SLAMF6: variants seen among roughly 807,000 people sequenced by gnomAD.
SLAMF6 encodes NK-T-B-antigen.
A neutral mutation model predicts 38.3 loss-of-function variants in SLAMF6; 21 were observed. The observed-to-expected ratio is 0.55, with a 90% CI of 0.39 to 0.79. SLAMF6 has a LOEUF of 0.79. Among genes scored for constraint, SLAMF6 ranks in the 30% least tolerant of loss-of-function variants. The probability of loss-of-function intolerance (pLI) is 0.00; values close to 1 mark genes in which losing one functional copy is unlikely to be tolerated. For missense variants in SLAMF6, 341 were observed against 385.3 expected, an observed-to-expected ratio of 0.89 and a Z score of 0.96; for synonymous variants, 152 against 146.3, an observed-to-expected ratio of 1.04 and a Z score of -0.28.
intron 1 of SLAMF6, among the ~76,000 whole-genome samples, chr1:160,507,612 G>A (rs868325552): frequency 6.6e-6 from 1 of 151,934 alleles, no homozygotes; most frequent in South Asian, 2.1e-4. Context: ...CACATAAGTC[G>A]TTCTCATAGG....
At chr1:160,511,582 C>T (rs924381438) in intron 1 of SLAMF6, among the ~76,000 whole-genome samples, 6 of 152,020 alleles carry the variant, frequency 3.9e-5, no homozygotes, top group Admixed American at 1.3e-4. Flanking sequence ...CAAAATGTAT[C>T]GATCACCTAA....
chr1:160,486,742 A>G lies in SLAMF6; in HGVS notation c.964T>C (p.Phe322Leu). Residue 322 changes from phenylalanine (F) to leucine (L), a missense_variant, in exon 8 of 8, where the codon TTT becomes CTT. By Grantham distance (22) the Phe-to-Leu change is conservative (BLOSUM62 0). Coordinates refer to ENST00000368057, the MANE Select transcript of SLAMF6 (RefSeq NM_001184714.2). ...TTGTCAAGGGCAGTTGCCCTGGAAA[A>G]AGTGGGTTTACTCTGTGGGAAAAAG... Reference protein sequence around the residue: ...INHSKESKPTFSRATALDNVV With the variant: ...INHSKESKPTLSRATALDNVV 4 of 1,613,850 alleles carry G rather than the reference A, an allele frequency of 2.5e-6. No homozygotes were observed. Among genetic ancestry groups the G allele is most frequent in the Non-Finnish European group, 3.4e-6 (4 of 1,179,820 alleles).
chr1:160,498,877 G>C (rs1653734788), intron 1 of SLAMF6, among the ~76,000 whole-genome samples: 1 of 152,100 alleles, frequency 6.6e-6, no homozygotes, highest in Non-Finnish European at 1.5e-5. Context: ...AGAAGTGCCT[G>C]TTCATGTCCT....
chr1:160,518,166 C>G (rs547058306), intron 1 of SLAMF6, among the ~76,000 whole-genome samples: 5 of 151,240 alleles, frequency 3.3e-5, no homozygotes, highest in Admixed American at 3.3e-4. Context: ...AGCTCAACAT[C>G]ACTGGTCATT....
At chr1:160,500,132 T>C (rs1398821331) in intron 1 of SLAMF6, among the ~76,000 whole-genome samples, 2 of 152,202 alleles carry the variant, frequency 1.3e-5, no homozygotes, top group African/African-American at 4.8e-5. Flanking sequence ...ATGTCCTATC[T>C]CTAGATCTGT....
Position 160,496,105 on chromosome 1 carries a change from G to A in SLAMF6, c.338C>T (p.Thr113Ile). 6.2e-7 allele frequency: 1 copy of A among 1,613,936 alleles called. No individual in the cohort carries two copies. Among genetic ancestry groups the A allele is most frequent in the Non-Finnish European group, 8.5e-7 (1 of 1,179,900 alleles). Residue 113 changes from threonine to isoleucine, a missense_variant, in exon 2 of 8, where the codon ACA (threonine) becomes ATA (isoleucine). Physicochemically the swap from Thr to Ile is moderately conservative, Grantham distance 89. Transcript: ENST00000368057. ...DTGSYRAQIS[T>I]KTSAKLSSYT... The stretch of plus-strand genomic sequence containing the variant: ...ACTGGACAGCTTTGCAGAGGTCTTT[G>A]TGGATATCTGGGCTCTGTAAGAGCC...
At chr1:160,491,598 G>A (rs1259305027) in intron 2 of SLAMF6, among the ~76,000 whole-genome samples, 1 of 152,214 alleles carries the variant, frequency 6.6e-6, no homozygotes, top group Admixed American at 6.5e-5. Context: ...TATGGGGCAG[G>A]ATAGTCAGCA....
At chr1:160,498,297 C>T (rs1653702894) in intron 1 of SLAMF6, among the ~76,000 whole-genome samples, 1 of 152,112 alleles carries the variant, frequency 6.6e-6, no homozygotes, top group Non-Finnish European at 1.5e-5. Flanking sequence ...GTCATTCTGA[C>T]AGAATGGCTA....
intron 1 of SLAMF6, 64 bp from the exon 2 acceptor site, chr1:160,496,457 C>T: frequency 1.3e-6 from 2 of 1,516,268 alleles, no homozygotes; most frequent in South Asian, 1.2e-5. Context: ...AGTCCTGCAC[C>T]CTTTCACCTA....
At chr1:160,490,120 C>G (rs557378856) in intron 5 of SLAMF6, 78 bp downstream of exon 5, 1 of 1,506,822 alleles carries the variant, frequency 6.6e-7, no homozygotes, top group African/African-American at 1.4e-5. Flanking sequence ...TTATCCAGCC[C>G]TCTGCCATCC....
intron 5 of SLAMF6, 146 bp from the exon 6 acceptor site, chr1:160,489,316 G>T: frequency 1.4e-6 from 1 of 720,586 alleles, no homozygotes; most frequent in Non-Finnish European, 2.4e-6. Context: ...GTTCTTGACA[G>T]TCTTTGGAGC....
chr1:160,501,282 G>C (rs1358585682), intron 1 of SLAMF6, among the ~76,000 whole-genome samples: 1 of 152,212 alleles, frequency 6.6e-6, no homozygotes, highest in Non-Finnish European at 1.5e-5. Context: ...AGAGGAGCCT[G>C]ACAGGTAAAT....
chr1:160,497,038 G>A (rs1653622370), intron 1 of SLAMF6, among the ~76,000 whole-genome samples: 1 of 152,174 alleles, frequency 6.6e-6, no homozygotes. Context: ...AAGAATAGCA[G>A]AGTCAGGATT....
intron 1 of SLAMF6, among the ~76,000 whole-genome samples, chr1:160,498,684 A>G (rs1653723440): frequency 6.6e-6 from 1 of 152,168 alleles, no homozygotes; most frequent in African/African-American, 2.4e-5. Context: ...GGGTGGGGAC[A>G]CAATCAAACC....
intron 1 of SLAMF6, among the ~76,000 whole-genome samples, chr1:160,521,379 A>G (rs1654975817): frequency 6.6e-6 from 1 of 152,088 alleles, no homozygotes; most frequent in Admixed American, 6.6e-5. Flanking sequence ...TGTATATTTC[A>G]TAGGGTCATT....
chr1:160,512,828 CA>C (rs1179080935), intron 1 of SLAMF6, among the ~76,000 whole-genome samples: 1 of 152,102 alleles, frequency 6.6e-6, no homozygotes, highest in South Asian at 2.1e-4. Flanking sequence ...ACAGCATCAA[CA>C]AAAAAGTCCC....
At chr1:160,498,116 T>C (rs1653690061) in intron 1 of SLAMF6, among the ~76,000 whole-genome samples, 1 of 152,078 alleles carries the variant, frequency 6.6e-6, no homozygotes, top group South Asian at 2.1e-4. Flanking sequence ...TTTCCTTTTC[T>C]CTGCAACCTC....
chr1:160,495,655 T>A (rs1347156313), intron 2 of SLAMF6, among the ~76,000 whole-genome samples: 1 of 152,214 alleles, frequency 6.6e-6, no homozygotes, highest in Non-Finnish European at 1.5e-5. Context: ...ACCATTACTA[T>A]CTCTGTGACT....
At chr1:160,510,027 A>C (rs569767585) in intron 1 of SLAMF6, among the ~76,000 whole-genome samples, 187 of 152,240 alleles carry the variant, frequency 1.2e-3, no homozygotes, top group African/African-American at 4.0e-3. Flanking sequence ...TTCTGGAAAC[A>C]CATAAAATAC....
Sources: allele counts gnomAD v4.1 joint callset (sites outside exome capture counted in the v4.1 genomes callset), GRCh38; gene constraint gnomAD v4.1.1; transcripts MANE v1.5; gene names NCBI Gene and HGNC (gene_info 2026-07-23, HGNC 2026-07-21).